The following SLC35F4 variants were observed in gnomAD, a reference collection of about 807,000 sequenced individuals.
The protein encoded by SLC35F4 is solute carrier family 35 member F4, also known as chromosome 14 open reading frame 36.
A neutral mutation model predicts 44.2 loss-of-function variants in SLC35F4; 24 were observed. The ratio of observed to expected loss-of-function variants is 0.54; its 90% confidence interval spans 0.39 to 0.76. SLC35F4 has a LOEUF of 0.76. Ranked by LOEUF, SLC35F4 falls within the 30% of genes least tolerant of loss-of-function variation. The probability of loss-of-function intolerance (pLI) is 0.00; values close to 1 mark genes in which losing one functional copy is unlikely to be tolerated. For missense variants in SLC35F4, 562 were observed against 586.1 expected (o/e 0.96, Z 0.42); for synonymous variants, 238 against 223.6 (o/e 1.06, Z -0.57).
Position 57,646,568 on chromosome 14 carries a change from A to G in SLC35F4, c.104-52444T>C, listed in dbSNP as rs568140250. Reference sequence around the variant, plus strand: ...TCTATTTTGTTGATCTTTTCAAAAAACCAGTTCCTGGATTCATTGATTTTT... The same window carrying G: ...TCTATTTTGTTGATCTTTTCAAAAAGCCAGTTCCTGGATTCATTGATTTTT... On this transcript the variant is annotated intron_variant, in intron 1 of 7. Transcript: ENST00000556826. Among the ~76,000 whole-genome samples the G allele has an allele frequency of 2.0e-5, 3 of 152,186 alleles. No individual in the cohort carries two copies. The East Asian group carries it at 5.8e-4, about 29-fold the overall frequency.
At chr14:57,735,091 A>C (rs1395871152) in intron 1 of SLC35F4, among the ~76,000 whole-genome samples, 1 of 152,164 alleles carries the variant, frequency 6.6e-6, no homozygotes, top group East Asian at 1.9e-4. Context: ...TGACATACAA[A>C]ATACAACAGG....
At chr14:57,915,652 C>G (rs185462351) in intron 1 of SLC35F4, among the ~76,000 whole-genome samples, 87 of 142,392 alleles carry the variant, frequency 6.1e-4, no homozygotes, top group Non-Finnish European at 9.3e-5. Context: ...ATTTCAGCCA[C>G]GGTCTTTGCC....
intron 1 of SLC35F4, among the ~76,000 whole-genome samples, chr14:57,689,631 A>T (rs74507115): frequency 1.3e-5 from 2 of 151,376 alleles, no homozygotes; most frequent in Non-Finnish European, 2.9e-5. Context: ...AAAGACTATC[A>T]CAGGGACAAA....
At chr14:57,754,373 G>A (rs1286067733) in intron 1 of SLC35F4, among the ~76,000 whole-genome samples, 1 of 152,038 alleles carries the variant, frequency 6.6e-6, no homozygotes, top group Non-Finnish European at 1.5e-5. Flanking sequence ...CCAAAGTACT[G>A]GGATTACAGG....
At chr14:57,762,974 G>A (rs2077158603) in intron 1 of SLC35F4, among the ~76,000 whole-genome samples, 1 of 152,068 alleles carries the variant, frequency 6.6e-6, no homozygotes. Flanking sequence ...AAAGAAAAGA[G>A]AGCCCCAACA....
intron 1 of SLC35F4, among the ~76,000 whole-genome samples, chr14:57,694,427 T>G (rs2140342293): frequency 6.6e-6 from 1 of 152,346 alleles, no homozygotes; most frequent in South Asian, 2.1e-4. Context: ...TTTTACATAA[T>G]GTTTGTGAGA....
At chr14:57,807,622 A>G (rs372087840) in intron 1 of SLC35F4, among the ~76,000 whole-genome samples, 8 of 151,920 alleles carry the variant, frequency 5.3e-5, no homozygotes, top group African/African-American at 1.9e-4. Context: ...CTACTGACTG[A>G]TTTATAAGGA....
At chr14:57,941,825 C>A (rs890516329) in intron 1 of SLC35F4, among the ~76,000 whole-genome samples, 1 of 152,070 alleles carries the variant, frequency 6.6e-6, no homozygotes, top group African/African-American at 2.4e-5. Context: ...TAGAGACTAG[C>A]AAAATGCCTG....
intron 1 of SLC35F4, among the ~76,000 whole-genome samples, chr14:57,599,817 A>AC (rs1351289102): frequency 2.0e-5 from 3 of 151,562 alleles, no homozygotes; most frequent in Non-Finnish European, 2.9e-5. Context: ...AAAAAAAAAA[A>AC]AACAACACCA....
intron 1 of SLC35F4, among the ~76,000 whole-genome samples, chr14:57,698,669 GCT>G (rs1227411475): frequency 6.8e-6 from 1 of 146,082 alleles, no homozygotes; most frequent in East Asian, 2.0e-4. Flanking sequence ...ATGGAGTCTT[GCT>G]CTGTTGCTCA....
intron 1 of SLC35F4, among the ~76,000 whole-genome samples, chr14:57,620,719 G>A (rs2072130474): frequency 6.6e-6 from 1 of 152,138 alleles, no homozygotes; most frequent in South Asian, 2.1e-4. Flanking sequence ...TTTATTGAGA[G>A]TTTTTAGCAT....
At chr14:57,608,819 A>G (rs1235026387) in intron 1 of SLC35F4, among the ~76,000 whole-genome samples, 3 of 151,526 alleles carry the variant, frequency 2.0e-5, no homozygotes, top group Admixed American at 2.0e-4. Flanking sequence ...AGAAACAGGA[A>G]ATTATAACAA....
At chr14:57,758,315 ATTG>A (rs1594978113) in intron 1 of SLC35F4, among the ~76,000 whole-genome samples, 2 of 151,994 alleles carry the variant, frequency 1.3e-5, no homozygotes, top group East Asian at 3.9e-4. Flanking sequence ...GCCTTTTGAA[ATTG>A]TTGTACAGTT....
At chr14:57,781,142 G>A (rs1566847636) in intron 1 of SLC35F4, among the ~76,000 whole-genome samples, 1 of 152,054 alleles carries the variant, frequency 6.6e-6, no homozygotes, top group Non-Finnish European at 1.5e-5. Flanking sequence ...CCTACAGAAT[G>A]GGAGAAATAT....
At chr14:57,739,607 C>T (rs1286663893) in intron 1 of SLC35F4, among the ~76,000 whole-genome samples, 3 of 152,118 alleles carry the variant, frequency 2.0e-5, no homozygotes, top group Non-Finnish European at 4.4e-5. Flanking sequence ...ATCAAACTGC[C>T]GTTTGTGGAT....
At chr14:57,685,690 G>T (rs1217329174) in intron 1 of SLC35F4, among the ~76,000 whole-genome samples, 4 of 152,162 alleles carry the variant, frequency 2.6e-5, no homozygotes, top group South Asian at 4.1e-4. Flanking sequence ...TGGTGTTCAA[G>T]AATTTAATAC....
chr14:57,701,018 A>G (rs900961197), intron 1 of SLC35F4, among the ~76,000 whole-genome samples: 4 of 152,100 alleles, frequency 2.6e-5, no homozygotes, highest in African/African-American at 9.7e-5. Flanking sequence ...TTATGTACCT[A>G]TAAAGACAGG....
chr14:57,564,603 C>A (rs901036958), intron 7 of SLC35F4, among the ~76,000 whole-genome samples: 1 of 152,140 alleles, frequency 6.6e-6, no homozygotes, highest in African/African-American at 2.4e-5. Context: ...ACTTAGTTAT[C>A]TCCCCAGTTT....
At position 57,865,801 on chromosome 14, in the gene SLC35F4, C is replaced by A; in HGVS notation, c.25G>T (p.Gly9Trp). The change falls in exon 1 of 8, where the codon GGG becomes TGG. Residue 9 changes from glycine (G) to tryptophan (W), a missense_variant. Physicochemically the swap from Gly to Trp is radical, Grantham distance 184. Transcript: ENST00000556826. ...ATCCGGTCCTCGATAGTGGCCACCCCGTTGGGGGCCGCCTTGACATCCATA... is the reference window on the plus strand; with the variant it reads ...ATCCGGTCCTCGATAGTGGCCACCCAGTTGGGGGCCGCCTTGACATCCATA... MDVKAAPN[G>W]VATIEDRILR... 6.6e-7 allele frequency: 1 copy of A among 1,519,628 alleles called. No homozygotes were observed. The highest frequency in any genetic ancestry group is 8.8e-7 in the Non-Finnish European group (1 of 1,140,252). 94.1% of individuals were successfully genotyped at this position (1,519,628 alleles called of 1,614,324 possible). A position where few individuals can be genotyped will look rare whatever the true frequency, so the allele number is the denominator to read the frequency against.
Sources: gnomAD v4.1 joint callset for allele counts (sites outside exome capture counted in the v4.1 genomes callset) on GRCh38, gnomAD v4.1.1 for gene constraint, MANE v1.5 for transcripts, NCBI Gene and HGNC (gene_info 2026-07-23, HGNC 2026-07-21) for gene names.